The following ARHGEF28 variants were observed in gnomAD, a reference collection of about 807,000 sequenced individuals.
ARHGEF28 encodes Rho guanine nucleotide exchange factor 28.
A neutral mutation model predicts 206.6 loss-of-function variants in ARHGEF28; 152 were observed. That is an observed-to-expected ratio of 0.74 (90% confidence interval 0.64 to 0.84). ARHGEF28 has a LOEUF of 0.84. Among genes scored for constraint, ARHGEF28 ranks in the 40% least tolerant of loss-of-function variants. The probability of loss-of-function intolerance (pLI) is 0.00; values close to 1 mark genes in which losing one functional copy is unlikely to be tolerated. For synonymous variants in ARHGEF28, 763 were observed against 776.4 expected, an observed-to-expected ratio of 0.98 and a Z score of 0.29; for missense variants, 2,028 against 2,073.2, an observed-to-expected ratio of 0.98 and a Z score of 0.42.
chr5:73,832,414 G>A lies in ARHGEF28; in HGVS notation c.1101G>A (p.Leu367=), dbSNP rs1386498733. ...LLAAGRLSDM[L]NGGDEVYANC... is the part of the protein sequence containing the mutation. The stretch of plus-strand genomic sequence containing the variant: ...CTGCAGGCCGGCTTTCAGACATGCT[G>A]AATGGAGGTGATGAAGTCTACGCTA... The change falls in exon 10 of 36, where the codon CTG becomes CTA. Residue 367 remains leucine, a synonymous_variant. Coordinates refer to ENST00000513042, the MANE Select transcript of ARHGEF28 (RefSeq NM_001177693.2). 1.9e-6 allele frequency: 3 copies of A among 1,612,448 alleles called. No individual in the cohort carries two copies. Among genetic ancestry groups the A allele is most frequent in the Non-Finnish European group, 2.5e-6 (3 of 1,179,336 alleles).
At chr5:73,828,718 T>G (rs1230085058) in intron 9 of ARHGEF28, among the ~76,000 whole-genome samples, 1 of 151,870 alleles carries the variant, frequency 6.6e-6, no homozygotes, top group East Asian at 1.9e-4. Context: ...CTCTTTCTCT[T>G]TCTTTCTCTC....
chr5:73,654,331 G>A (rs993800270), intron 1 of ARHGEF28, among the ~76,000 whole-genome samples: 2 of 152,196 alleles, frequency 1.3e-5, no homozygotes, highest in Non-Finnish European at 2.9e-5. Flanking sequence ...AAGGAAGCAT[G>A]GCCTGAGGCA....
intron 4 of ARHGEF28, among the ~76,000 whole-genome samples, chr5:73,772,710 G>A (rs1753296010): frequency 6.6e-6 from 1 of 152,098 alleles, no homozygotes; most frequent in Non-Finnish European, 1.5e-5. Flanking sequence ...GGATGGTGGT[G>A]GGTGGGGCAT....
Position 73,940,849 on chromosome 5 carries a change from G to A in ARHGEF28, c.4954G>A (p.Asp1652Asn). Residue 1652 changes from aspartate (D) to asparagine (N), a missense_variant, in exon 36 of 36, where the codon GAC becomes AAC. Physicochemically the swap from Asp to Asn is conservative, Grantham distance 23. Coordinates refer to ENST00000513042, the MANE Select transcript of ARHGEF28 (RefSeq NM_001177693.2). ...GTGCTGTCTGTTTCTTGCAGATTTG[G>A]ACACCTCCCACACTGAGTCCCCAAC... ...SSKDSCKNDL[D>N]TSHTESPTPH... is the part of the protein sequence containing the mutation. 1 of 1,491,548 alleles carries A rather than the reference G, an allele frequency of 6.7e-7. No individual in the cohort carries two copies. The highest frequency in any genetic ancestry group is 1.7e-4 in the Middle Eastern group (1 of 5,764). 92.4% of individuals were successfully genotyped at this position (1,491,548 alleles called of 1,614,324 possible). A position where few individuals can be genotyped will look rare whatever the true frequency, so the allele number is the denominator to read the frequency against.
In ARHGEF28 at chr5:73,681,008, A is replaced by G. The variant is rs142751904; in HGVS notation, c.-11-3833A>G. The stretch of plus-strand genomic sequence containing the variant: ...ATGAACCACCAAGCCTGGCCAAGGA[A>G]TGCATTTTAGTTTGCTGCTTTATTT... On this transcript the variant is annotated intron_variant, in intron 1 of 35. Transcript: ENST00000513042. 4.5e-4 allele frequency among the ~76,000 whole-genome samples: 69 copies of G among 152,094 alleles called. 1 individual carries two copies. The highest frequency in any genetic ancestry group is 1.4e-3 in the African/African-American group (58 of 41,486).
intron 2 of ARHGEF28, among the ~76,000 whole-genome samples, chr5:73,718,535 C>G (rs1749727141): frequency 6.6e-6 from 1 of 152,156 alleles, no homozygotes; most frequent in Admixed American, 6.5e-5. Flanking sequence ...GTGACTCATT[C>G]ATCTTTGAGT....
At chr5:73,632,422 A>G (rs17633441) in intron 1 of ARHGEF28, among the ~76,000 whole-genome samples, 58,940 of 152,094 alleles carry the variant, frequency 0.39, 12,585 homozygotes, top group Admixed American at 0.55. Flanking sequence ...TGCATGGCCT[A>G]TCTCCAAATG....
At chr5:73,796,571 C>A (rs1285415031) in intron 9 of ARHGEF28, among the ~76,000 whole-genome samples, 1 of 152,150 alleles carries the variant, frequency 6.6e-6, no homozygotes, top group Non-Finnish European at 1.5e-5. Flanking sequence ...CTGTGTAGAG[C>A]AGAGCAAGGA....
chr5:73,741,675 T>C (rs545107612), intron 2 of ARHGEF28, among the ~76,000 whole-genome samples: 17 of 151,878 alleles, frequency 1.1e-4, no homozygotes, highest in Admixed American at 9.9e-4. Context: ...TGCCTCAACC[T>C]TCCAAAATGC....
At chr5:73,763,040 A>G (rs1030530811) in intron 4 of ARHGEF28, among the ~76,000 whole-genome samples, 4 of 152,244 alleles carry the variant, frequency 2.6e-5, no homozygotes, top group Non-Finnish European at 5.9e-5. Context: ...TAAAATCCTT[A>G]TCATAGTCAC....
At chr5:73,858,400 C>T (rs969381446) in intron 16 of ARHGEF28, among the ~76,000 whole-genome samples, 181 bp downstream of exon 16, 1 of 136,316 alleles carries the variant, frequency 7.3e-6, no homozygotes, top group African/African-American at 2.9e-5. Context: ...TAACTGATAG[C>T]CTGTCTGAAC....
At chr5:73,858,795 T>C (rs992238393) in intron 16 of ARHGEF28, among the ~76,000 whole-genome samples, 7 of 152,320 alleles carry the variant, frequency 4.6e-5, no homozygotes, top group Admixed American at 4.6e-4. Flanking sequence ...CATATATCAC[T>C]GCGTTCAAAA....
intron 1 of ARHGEF28, among the ~76,000 whole-genome samples, chr5:73,661,440 G>A (rs1745593783): frequency 1.3e-5 from 2 of 152,182 alleles, no homozygotes; most frequent in South Asian, 4.2e-4. Flanking sequence ...TGTGTTCCTG[G>A]AGAAGTACTT....
rs190902515 is a variant in ARHGEF28, at chr5:73,717,128, G to A, written c.33+32244G>A. Among the ~76,000 whole-genome samples the A allele has an allele frequency of 1.9e-3, 284 of 152,180 alleles. 1 individual carries two copies. The highest frequency in any genetic ancestry group is 6.4e-3 in the African/African-American group (266 of 41,528). On this transcript the variant is annotated intron_variant, in intron 2 of 35. Coordinates refer to ENST00000513042, the MANE Select transcript of ARHGEF28 (RefSeq NM_001177693.2). ...CCAAACAAATCCTTAGGTAGCTCAG[G>A]TTAATTAACAGAATGCGACTCCATA... is the stretch of plus-strand genomic sequence containing the variant.
chr5:73,633,419 C>G (rs1382343349), intron 1 of ARHGEF28, among the ~76,000 whole-genome samples: 1 of 152,106 alleles, frequency 6.6e-6, no homozygotes, highest in Non-Finnish European at 1.5e-5. Context: ...CCTGCTGCTT[C>G]TAGCTTGTCT....
intron 2 of ARHGEF28, among the ~76,000 whole-genome samples, chr5:73,698,956 A>T (rs1266866937): frequency 6.6e-6 from 1 of 152,068 alleles, no homozygotes; most frequent in African/African-American, 2.4e-5. Context: ...TGGTGAGGGC[A>T]GTGCTGGCAT....
At chr5:73,909,964 G>A in intron 34 of ARHGEF28, 67 bp downstream of exon 34, 1 of 1,443,456 alleles carries the variant, frequency 6.9e-7, no homozygotes, top group African/African-American at 1.4e-5. Context: ...GGGCTCCTAG[G>A]ACACTAACCA....
intron 1 of ARHGEF28, among the ~76,000 whole-genome samples, chr5:73,644,335 C>T (rs1744301775): frequency 6.6e-6 from 1 of 152,208 alleles, no homozygotes; most frequent in African/African-American, 2.4e-5. Context: ...ACCTATATTT[C>T]AGATTTTACC....
chr5:73,798,471 C>T (rs1048148853), intron 9 of ARHGEF28, among the ~76,000 whole-genome samples: 2 of 152,142 alleles, frequency 1.3e-5, no homozygotes, highest in African/African-American at 4.8e-5. Context: ...CTCATCCAAG[C>T]CGGTGCCCCA....
Sources: allele counts gnomAD v4.1 joint callset (sites outside exome capture counted in the v4.1 genomes callset), GRCh38; gene constraint gnomAD v4.1.1; transcripts MANE v1.5; gene names NCBI Gene and HGNC (gene_info 2026-07-23, HGNC 2026-07-21).